Variants in MPDZ observed in about 807,000 individuals in gnomAD.
MPDZ encodes multiple PDZ domain protein.
MPDZ carries 234 observed loss-of-function variants against 239.1 expected under a neutral mutation model. That is an observed-to-expected ratio of 0.98 (90% CI 0.88 to 1.09). The LOEUF is 1.09. MPDZ is among the 50% of genes least tolerant of loss of function. The pLI is 0.00. For synonymous variants in MPDZ, 1,048 were observed against 881.3 expected (o/e 1.19, Z -3.35); for missense variants, 3,175 against 2,510.0 (o/e 1.26, Z -5.66).
intron 10 of MPDZ, among the ~76,000 whole-genome samples, chr9:13,213,777 A>G (rs1055868331): frequency 3.9e-5 from 6 of 152,062 alleles, no homozygotes; most frequent in Non-Finnish European, 7.4e-5. Context: ...CCTAAGAGGA[A>G]TTATATTTGA....
intron 23 of MPDZ, among the ~76,000 whole-genome samples, chr9:13,161,835 C>G (rs1950527528): frequency 6.6e-6 from 1 of 152,136 alleles, no homozygotes; most frequent in South Asian, 2.1e-4. Flanking sequence ...AGAAAACGTT[C>G]CCTTTATTAT....
At position 13,157,548 on chromosome 9, in the gene MPDZ, T is replaced by C. The variant is rs552768907; in HGVS notation, c.3452+470A>G. ...TTTGAGGATGTCATCTTATCTATTA[T>C]ACATGAAACTGGTGCTAGACAGATT... is the stretch of plus-strand genomic sequence containing the variant. On this transcript the variant is annotated intron_variant, in intron 24 of 46. Coordinates refer to ENST00000319217, the MANE Select transcript of MPDZ (RefSeq NM_001378778.1). Among the ~76,000 whole-genome samples the C allele has an allele frequency of 5.6e-4, 86 of 152,272 alleles. No individual in the cohort carries two copies. In the South Asian group the frequency reaches 6.6e-3, roughly 12 times the overall value.
chr9:13,273,926 C>T (rs144105555), intron 1 of MPDZ, among the ~76,000 whole-genome samples: 1 of 152,130 alleles, frequency 6.6e-6, no homozygotes, highest in Non-Finnish European at 1.5e-5. Context: ...TTAGTATCAA[C>T]TCAAATTATA....
intron 25 of MPDZ, among the ~76,000 whole-genome samples, chr9:13,149,757 TTTGAA>T (rs933085019): frequency 2.6e-5 from 4 of 152,048 alleles, no homozygotes; most frequent in African/African-American, 7.2e-5. Context: ...TGAACTTTGC[TTTGAA>T]TTAAGAGATT....
chr9:13,200,954 T>C (rs1956312218), intron 12 of MPDZ, among the ~76,000 whole-genome samples: 2 of 152,064 alleles, frequency 1.3e-5, no homozygotes, highest in South Asian at 4.1e-4. Flanking sequence ...GTCTCACTGA[T>C]GTTTTACTGT....
intron 2 of MPDZ, among the ~76,000 whole-genome samples, chr9:13,248,770 C>A (rs1428670333): frequency 2.0e-5 from 3 of 150,754 alleles, no homozygotes; most frequent in African/African-American, 7.3e-5. Context: ...GAGTTTGAGA[C>A]CAGCCTGGCC....
At chr9:13,206,393 T>A (rs1456909909) in intron 10 of MPDZ, among the ~76,000 whole-genome samples, 1 of 152,074 alleles carries the variant, frequency 6.6e-6, no homozygotes, top group East Asian at 2.0e-4. Context: ...ATGCCTTTTT[T>A]TTCCCTTTTT....
intron 19 of MPDZ, among the ~76,000 whole-genome samples, chr9:13,179,229 G>A (rs1007876283): frequency 6.6e-6 from 1 of 152,042 alleles, no homozygotes; most frequent in Non-Finnish European, 1.5e-5. Flanking sequence ...TAACCTGTTG[G>A]CTCCCTCACC....
intron 32 of MPDZ, among the ~76,000 whole-genome samples, chr9:13,131,526 T>A (rs183578407): frequency 0.01 from 1,583 of 152,256 alleles, 22 homozygotes; most frequent in African/African-American, 0.036. Context: ...GAAACCGCCA[T>A]GGTGACCAAT....
At chr9:13,199,862 T>C (rs1279863161) in intron 12 of MPDZ, among the ~76,000 whole-genome samples, 1 of 152,080 alleles carries the variant, frequency 6.6e-6, no homozygotes, top group Non-Finnish European at 1.5e-5. Context: ...TCTGGTTTGC[T>C]AGTATTTTGT....
intron 23 of MPDZ, among the ~76,000 whole-genome samples, chr9:13,160,861 T>TATATAC (rs1375301210): frequency 7.2e-5 from 9 of 125,506 alleles, no homozygotes; most frequent in Admixed American, 7.2e-4. Context: ...TATATATATA[T>TATATAC]ATATATATAA....
intron 32 of MPDZ, among the ~76,000 whole-genome samples, chr9:13,130,833 C>A (rs1230638720): frequency 2.0e-5 from 3 of 152,112 alleles, no homozygotes; most frequent in Non-Finnish European, 4.4e-5. Flanking sequence ...GACTGAAGTA[C>A]AGGATTCCTA....
At chr9:13,218,752 A>G (rs1003417593) in intron 8 of MPDZ, among the ~76,000 whole-genome samples, 1 of 151,946 alleles carries the variant, frequency 6.6e-6, no homozygotes, top group African/African-American at 2.4e-5. Context: ...TGTATTTACT[A>G]TAAGGCTTAT....
In MPDZ at chr9:13,247,328, A is replaced by C. The variant is rs143728783; in HGVS notation, c.183+307T>G. ...AACAATGAGCCTCAGTGATGATGGA[A>C]ACTAAGTCTACAGCCAACCATCCTA... On this transcript the variant is annotated intron_variant, in intron 3 of 46. Transcript: ENST00000319217. Among the ~76,000 whole-genome samples the C allele has an allele frequency of 1.3e-3, 193 of 152,324 alleles. 1 individual carries two copies. Among genetic ancestry groups the C allele is most frequent in the African/African-American group, 4.3e-3 (179 of 41,580 alleles).
chr9:13,113,432 A>G (rs1013574487), intron 41 of MPDZ, among the ~76,000 whole-genome samples: 32 of 152,194 alleles, frequency 2.1e-4, no homozygotes, highest in Non-Finnish European at 2.9e-5. Flanking sequence ...CTAGAATATT[A>G]GTCATACTGC....
At chr9:13,243,363 C>T (rs1366200749) in intron 3 of MPDZ, among the ~76,000 whole-genome samples, 2 of 141,644 alleles carry the variant, frequency 1.4e-5, no homozygotes, top group African/African-American at 2.6e-5. Flanking sequence ...AGTTCTATCT[C>T]TTTTTTTTTT....
intron 21 of MPDZ, among the ~76,000 whole-genome samples, chr9:13,173,971 A>C (rs2134102416): frequency 6.6e-6 from 1 of 152,260 alleles, no homozygotes; most frequent in East Asian, 1.9e-4. Flanking sequence ...TCCTTCCTTT[A>C]GTTCCAACTC....
rs778023668 is a variant in MPDZ, at chr9:13,219,673, T to C, written c.972A>G (p.Gln324=). 41 of 1,612,790 alleles carry C rather than the reference T, an allele frequency of 2.5e-5. No individual in the cohort carries two copies. Among genetic ancestry groups the C allele is most frequent in the Non-Finnish European group, 3.4e-5 (40 of 1,179,256 alleles). The part of the protein sequence containing the change: ...SSEQVAQVLR[Q]CGNRVKLMIA... ...TCATCAACTTAACTCTATTTCCACA[T>C]TGCCTAAGGACTTGTGCTACTTGCT... is the stretch of plus-strand genomic sequence containing the variant. Residue 324 remains glutamine, a synonymous_variant, in exon 8 of 47, where the codon CAA becomes CAG. Transcript: ENST00000319217.
chr9:13,154,538 A>G (rs1338242741), intron 24 of MPDZ, among the ~76,000 whole-genome samples: 1 of 152,164 alleles, frequency 6.6e-6, no homozygotes, highest in Non-Finnish European at 1.5e-5. Flanking sequence ...CAGCTGTGAA[A>G]TACAGCCAAC....
Sources: gnomAD v4.1 joint callset for allele counts (sites outside exome capture counted in the v4.1 genomes callset) on GRCh38, gnomAD v4.1.1 for gene constraint, MANE v1.5 for transcripts, NCBI Gene and HGNC (gene_info 2026-07-23, HGNC 2026-07-21) for gene names.